SLC35D4: variants seen among roughly 807,000 people sequenced by gnomAD.
SLC35D4 encodes UDP-N-acetylglucosamine transporter SLC35D4.
chr18:23,345,720 CAA>C, the SLC35D4 span, among the ~76,000 whole-genome samples: 1 of 141,514 alleles, frequency 7.1e-6, no homozygotes. Flanking sequence ...GAATTTCTAC[CAA>C]AAAAAAAAGC....
chr18:23,280,035 A>C, the SLC35D4 span, among the ~76,000 whole-genome samples: 1 of 152,216 alleles, frequency 6.6e-6, no homozygotes, highest in Admixed American at 6.5e-5. Context: ...CCAAGTTTAT[A>C]GTTCTTTGTT....
At chr18:23,414,336 AGGC>A in the SLC35D4 span, among the ~76,000 whole-genome samples, 14 of 149,982 alleles carry the variant, frequency 9.3e-5, no homozygotes, top group Non-Finnish European at 1.9e-4. Flanking sequence ...GAAGGAAGGC[AGGC>A]AGGCAGGCAG....
the SLC35D4 span, among the ~76,000 whole-genome samples, chr18:23,314,462 G>C: frequency 6.6e-6 from 1 of 152,094 alleles, no homozygotes; most frequent in Non-Finnish European, 1.5e-5. Context: ...GCTTACCCTG[G>C]GGGGGGCTAC....
the SLC35D4 span, among the ~76,000 whole-genome samples, chr18:23,245,518 AAAG>A: frequency 2.0e-5 from 3 of 152,030 alleles, no homozygotes; most frequent in African/African-American, 7.3e-5. Flanking sequence ...AAAAAAAAAA[AAAG>A]CGAAATAGGT....
At chr18:23,430,598 A>G in the SLC35D4 span, 1 of 1,546,976 alleles carries the variant, frequency 6.5e-7, no homozygotes, top group Non-Finnish European at 8.8e-7. Flanking sequence ...ACATTTCCTA[A>G]AAATGTATAT....
At chr18:23,278,082 G>C in the SLC35D4 span, among the ~76,000 whole-genome samples, 1 of 152,286 alleles carries the variant, frequency 6.6e-6, no homozygotes, top group Middle Eastern at 3.4e-3. Context: ...AAATGGCATG[G>C]GCACAGGGAA....
At chr18:23,378,387 G>A in the SLC35D4 span, among the ~76,000 whole-genome samples, 1 of 151,852 alleles carries the variant, frequency 6.6e-6, no homozygotes, top group Non-Finnish European at 1.5e-5. Context: ...CACTAATCCA[G>A]CTGACTCAGA....
At chr18:23,317,110 G>A in the SLC35D4 span, among the ~76,000 whole-genome samples, 2 of 151,904 alleles carry the variant, frequency 1.3e-5, no homozygotes, top group Non-Finnish European at 2.9e-5. Flanking sequence ...TCCTGGCTCA[G>A]TAGTTCTCAG....
chr18:23,380,108 A>G, the SLC35D4 span, among the ~76,000 whole-genome samples: 2 of 151,918 alleles, frequency 1.3e-5, no homozygotes, highest in African/African-American at 4.8e-5. Flanking sequence ...AACAAAACAA[A>G]AAAAAGAAGT....
the SLC35D4 span, among the ~76,000 whole-genome samples, chr18:23,319,805 G>A: frequency 6.6e-6 from 1 of 152,214 alleles, no homozygotes; most frequent in South Asian, 2.1e-4. Context: ...AAATAAAGAT[G>A]TCATTTCATT....
At chr18:23,385,004 AC>A in the SLC35D4 span, 1 of 1,613,828 alleles carries the variant, frequency 6.2e-7, no homozygotes, top group Non-Finnish European at 8.5e-7. Context: ...TTCTGAAAAC[AC>A]TTCTGGTACC....
chr18:23,247,655 G>A, the SLC35D4 span, among the ~76,000 whole-genome samples: 9 of 152,240 alleles, frequency 5.9e-5, no homozygotes, highest in South Asian at 2.1e-4. Flanking sequence ...CTGGGCCGCC[G>A]GGCACCATGT....
chr18:23,412,466 GA>G, the SLC35D4 span, among the ~76,000 whole-genome samples: 4 of 152,176 alleles, frequency 2.6e-5, no homozygotes, highest in Non-Finnish European at 4.4e-5. Flanking sequence ...AAGACCCCTA[GA>G]TTTCTTTTTC....
At chr18:23,314,838 C>G in the SLC35D4 span, among the ~76,000 whole-genome samples, 2 of 152,256 alleles carry the variant, frequency 1.3e-5, no homozygotes, top group Non-Finnish European at 2.9e-5. Flanking sequence ...GGGGTGCCAA[C>G]AACAGCAGAA....
At chr18:23,294,656 G>T in the SLC35D4 span, among the ~76,000 whole-genome samples, 1 of 152,114 alleles carries the variant, frequency 6.6e-6, no homozygotes, top group Non-Finnish European at 1.5e-5. Flanking sequence ...GCACTTGGGA[G>T]GCTGGGGTGG....
chr18:23,413,485 C>A, the SLC35D4 span, among the ~76,000 whole-genome samples: 1 of 152,176 alleles, frequency 6.6e-6, no homozygotes, highest in African/African-American at 2.4e-5. Flanking sequence ...TACCCTGTAC[C>A]CTCCACTGTA....
chr18:23,319,145 T>G, the SLC35D4 span, among the ~76,000 whole-genome samples: 1 of 152,148 alleles, frequency 6.6e-6, no homozygotes, highest in South Asian at 2.1e-4. Flanking sequence ...CACCCAACCT[T>G]CATAGTAATT....
At chr18:23,425,037 G>T in the SLC35D4 span, among the ~76,000 whole-genome samples, 1 of 152,126 alleles carries the variant, frequency 6.6e-6, no homozygotes, top group East Asian at 1.9e-4. Context: ...TTCAGCACTA[G>T]TCCCTTAACA....
At chr18:23,335,217 C>G in the SLC35D4 span, among the ~76,000 whole-genome samples, 1 of 152,198 alleles carries the variant, frequency 6.6e-6, no homozygotes, top group Admixed American at 6.5e-5. Context: ...ATGTAACAGA[C>G]AGTTATTTTC....
Sources: allele counts gnomAD v4.1 joint callset (sites outside exome capture counted in the v4.1 genomes callset), GRCh38; gene constraint gnomAD v4.1.1; transcripts MANE v1.5; gene names NCBI Gene and HGNC (gene_info 2026-07-23, HGNC 2026-07-21).